The following OGA variants were observed in gnomAD, a reference collection of about 807,000 sequenced individuals.
OGA encodes the protein protein O-GlcNAcase.
A neutral mutation model predicts 102.0 loss-of-function variants in OGA; 21 were observed. The ratio of observed to expected loss-of-function variants is 0.21; its 90% CI spans 0.15 to 0.30. The LOEUF (loss-of-function observed/expected upper bound fraction) is 0.30. OGA is among the 10% of genes least tolerant of loss of function. The pLI is 1.00. For synonymous variants in OGA, 408 were observed against 378.2 expected (o/e 1.08, Z -0.91); for missense variants, 765 against 1,107.8 (o/e 0.69, Z 4.39).
chr10:101,802,003 G>A (rs892637610), intron 7 of OGA, among the ~76,000 whole-genome samples: 8 of 152,136 alleles, frequency 5.3e-5, no homozygotes, highest in African/African-American at 1.9e-4. Flanking sequence ...AAATCAGCCA[G>A]ATGGGGTGGT....
chr10:101,796,244 G>A (rs572826993), intron 10 of OGA, among the ~76,000 whole-genome samples: 41 of 152,174 alleles, frequency 2.7e-4, no homozygotes, highest in Admixed American at 5.2e-4. Flanking sequence ...TGTCTCCCAT[G>A]TACAGGAGCT....
At chr10:101,788,491 C>G (rs892816532) in intron 14 of OGA, among the ~76,000 whole-genome samples, 2 of 148,344 alleles carry the variant, frequency 1.3e-5, no homozygotes, top group Non-Finnish European at 3.0e-5. Context: ...AATCCCAGAA[C>G]TTTGGGAGGC....
In OGA at chr10:101,814,597, A is replaced by C. The variant is rs142500974; in HGVS notation, c.200-991T>G. On this transcript the variant is annotated intron_variant, in intron 1 of 15. Coordinates refer to ENST00000361464, the MANE Select transcript of OGA (RefSeq NM_012215.5). ...AGAGCAAAACTCTCTCTCTCAAAAA[A>C]AGTTCCACATACAATGATATAATCA... 1.7e-3 allele frequency among the ~76,000 whole-genome samples: 264 copies of C among 152,276 alleles called. 1 individual carries two copies. Among genetic ancestry groups the C allele is most frequent in the African/African-American group, 6.2e-3 (256 of 41,538 alleles).
In OGA at chr10:101,799,432, C is replaced by A; in HGVS notation, c.1219G>T (p.Ala407Ser). 2 of 1,613,472 alleles carry A rather than the reference C, an allele frequency of 1.2e-6. No individual in the cohort carries two copies. Among genetic ancestry groups the A allele is most frequent in the South Asian group, 1.1e-5 (1 of 91,054 alleles). The stretch of plus-strand genomic sequence containing the variant: ...GTCCCATCAACTACACTTGCTTTAG[C>A]TCCACTGTGTGCAACTTGCCTACCT... The part of the protein sequence containing the change: ...YSSRQVAHSG[A>S]KASVVDGTPL... The change falls in exon 9 of 16, where the codon GCT (alanine) becomes TCT (serine). Residue 407 changes from alanine (A) to serine (S), a missense_variant. Around this residue, in one of 7 missense-constraint regions of OGA, gnomAD observed 281 missense variants for 345.8 expected, o/e 0.81. Coordinates refer to ENST00000361464, the MANE Select transcript of OGA (RefSeq NM_012215.5).
At position 101,800,681 on chromosome 10, in the gene OGA, C is replaced by T. The variant is rs541385741; in HGVS notation, c.1037-281G>A. ...TGGAAGAGTCAATCTTAACCGTCTA[C>T]TGAGTACTAATTGTTGGGAAGTCAA... On this transcript the variant is annotated intron_variant, in intron 7 of 15. Transcript: ENST00000361464. 2.6e-5 allele frequency among the ~76,000 whole-genome samples: 4 copies of T among 151,832 alleles called. No individual in the cohort carries two copies. The East Asian group carries it at 7.7e-4, about 29-fold the overall frequency.
chr10:101,812,685 A>C, intron 3 of OGA: 1 of 281,330 alleles, frequency 3.6e-6, no homozygotes, highest in South Asian at 4.5e-5. Flanking sequence ...ATTTGCACCC[A>C]AGGTACGTGC....
At position 101,799,237 on chromosome 10, in the gene OGA, G is replaced by C; in HGVS notation, c.1414C>G (p.Gln472Glu). The C allele has an allele frequency of 6.2e-7, 1 of 1,614,140 alleles. No homozygotes were observed. The highest frequency in any genetic ancestry group is 8.5e-7 in the Non-Finnish European group (1 of 1,180,006). The change falls in exon 9 of 16, where the codon CAA becomes GAA. Residue 472 changes from glutamine to glutamate, a missense_variant. This residue lies in a region of OGA where 281 missense variants were observed against 345.8 expected (regional missense o/e 0.81). Transcript: ENST00000361464. ...TCATTCTTGTGGTCCGTTTCTTCTT[G>C]TTTTTCCACCACCATGTCCATGGGT... ...EEPMDMVVEK[Q>E]EETDHKNDNQ...
At chr10:101,795,863 G>T in intron 10 of OGA, 2 of 954,436 alleles carry the variant, frequency 2.1e-6, no homozygotes. Flanking sequence ...ACAAACTTGT[G>T]TTGAGCCACA....
In OGA at chr10:101,817,814, G is replaced by A. The variant is rs993176109; in HGVS notation, c.199+10C>T. The A allele has an allele frequency of 3.3e-6, 5 of 1,536,780 alleles. No homozygotes were observed. In the East Asian group the frequency reaches 7.3e-5, roughly 23 times the overall value. On this transcript the variant is annotated intron_variant, in intron 1 of 15. Coordinates refer to ENST00000361464, the MANE Select transcript of OGA (RefSeq NM_012215.5). ...TAGTGCCAAAACGGGGAGGGAAGGA[G>A]GGCGCTCACCTTCCACCACACCGCA...
intron 3 of OGA, among the ~76,000 whole-genome samples, chr10:101,811,549 A>G (rs1273226931): frequency 6.6e-6 from 1 of 152,026 alleles, no homozygotes; most frequent in African/African-American, 2.4e-5. Context: ...CAAAATATAC[A>G]AAAATTAGCT....
chr10:101,805,787 C>G (rs549625159), intron 6 of OGA, among the ~76,000 whole-genome samples: 32 of 151,492 alleles, frequency 2.1e-4, no homozygotes, highest in African/African-American at 6.0e-4. Flanking sequence ...AACCCTGTCT[C>G]TACTAAAAAT....
In OGA at chr10:101,784,974, C is replaced by CA. The variant is rs2065177655; in HGVS notation, c.*1476dup. On this transcript the variant is annotated 3_prime_UTR_variant, in exon 16 of 16. Transcript: ENST00000361464. The stretch of plus-strand genomic sequence containing the variant: ...ATACTCAAAGGCTTTGGTTGGAAGT[C>CA]ACTAGGTACCACTAGGTACAATGCT... 6.6e-6 allele frequency: 1 copy of CA among 152,206 alleles called. No individual in the cohort carries two copies. The highest frequency in any genetic ancestry group is 2.4e-5 in the African/African-American group (1 of 41,440). The allele number at this position is 152,206 out of a possible 1,614,324, so 9.4% of individuals were successfully genotyped here.
chr10:101,798,163 G>A lies in OGA; in HGVS notation c.1810-9C>T, dbSNP rs745601094. On this transcript the variant is annotated splice_polypyrimidine_tract_variant and intron_variant, in intron 9 of 15. Transcript: ENST00000361464. ...GACCGCCATTCTTCAATCTATTGAA[G>A]ATCAATAAAAAGACTCAAAAAACTG... The A allele has an allele frequency of 1.2e-6, 2 of 1,610,766 alleles. No homozygotes were observed. Among genetic ancestry groups the A allele is most frequent in the Middle Eastern group, 1.7e-4 (1 of 6,044 alleles).
chr10:101,810,031 G>A (rs1763110988), intron 4 of OGA, among the ~76,000 whole-genome samples, 153 bp downstream of exon 4: 1 of 152,150 alleles, frequency 6.6e-6, no homozygotes, highest in Admixed American at 6.5e-5. Context: ...GGGCGACAGA[G>A]CAAGACTCTG....
In OGA at chr10:101,807,906, G is replaced by T. The variant is rs527848364; in HGVS notation, c.481-5C>A. The T allele has an allele frequency of 2.1e-6, 3 of 1,429,964 alleles. No homozygotes were observed. Among genetic ancestry groups the T allele is most frequent in the South Asian group, 1.6e-5 (1 of 63,204 alleles). 88.6% of individuals were successfully genotyped at this position (1,429,964 alleles called of 1,614,324 possible). On this transcript the variant is annotated splice_region_variant and splice_polypyrimidine_tract_variant and intron_variant, in intron 4 of 15. Transcript: ENST00000361464. The stretch of plus-strand genomic sequence containing the variant: ...TCTGCACCCAAACTGAGAAACCTAG[G>T]AGAAAAAAAAAAAAAAGAATCAAGA...
At chr10:101,816,371 G>A (rs927846064) in intron 1 of OGA, among the ~76,000 whole-genome samples, 5 of 152,184 alleles carry the variant, frequency 3.3e-5, no homozygotes, top group African/African-American at 1.2e-4. Flanking sequence ...CGAGAGAATG[G>A]CAGACAACTC....
At chr10:101,791,759 T>C (rs552671939) in intron 12 of OGA, among the ~76,000 whole-genome samples, 41 of 151,088 alleles carry the variant, frequency 2.7e-4, no homozygotes, top group Non-Finnish European at 4.4e-4. Flanking sequence ...CTCCACCTCC[T>C]GGGTTCAAGT....
intron 7 of OGA, 71 bp from the exon 8 acceptor site, chr10:101,800,471 T>A: frequency 8.8e-7 from 1 of 1,141,090 alleles, no homozygotes. Flanking sequence ...GTGAGAAGAA[T>A]AAATGCAACT....
intron 7 of OGA, among the ~76,000 whole-genome samples, chr10:101,802,241 A>G (rs1243530329): frequency 6.6e-6 from 1 of 151,896 alleles, no homozygotes; most frequent in Non-Finnish European, 1.5e-5. Flanking sequence ...GATCCAGCTT[A>G]AAAGTCTGTG....
Sources: allele counts gnomAD v4.1 joint callset (sites outside exome capture counted in the v4.1 genomes callset), GRCh38; gene constraint gnomAD v4.1.1; regional missense constraint gnomAD v4.1.1; transcripts MANE v1.5; gene names NCBI Gene and HGNC (gene_info 2026-07-23, HGNC 2026-07-21).